ZNF71: variants seen among roughly 807,000 people sequenced by gnomAD.
ZNF71 encodes endothelial zinc finger protein induced by tumor necrosis factor alpha.
Under a neutral mutation model 6.7 loss-of-function variants are expected in ZNF71, and 3 were observed. The observed-to-expected ratio is 0.45, with a 90% CI of 0.20 to 1.16. The LOEUF (loss-of-function observed/expected upper bound fraction) is 1.16, where lower values mean the gene tolerates loss of function less well. ZNF71 is among the 50% of genes most tolerant of loss of function. The probability of loss-of-function intolerance (pLI) is 0.25; values close to 1 mark genes in which losing one functional copy is unlikely to be tolerated. For synonymous variants in ZNF71, 343 were observed against 311.1 expected (o/e 1.10, Z -1.08); for missense variants, 688 against 728.6 (o/e 0.94, Z 0.64).
At chr19:56,601,790 G>A (rs898474817) in intron 2 of ZNF71, among the ~76,000 whole-genome samples, 199 bp downstream of exon 2, 4 of 152,236 alleles carry the variant, frequency 2.6e-5, no homozygotes, top group African/African-American at 9.6e-5. Context: ...GCTTTGGAAT[G>A]GCCAAACTAG....
At chr19:56,604,168 G>T (rs1463488317) in intron 2 of ZNF71, among the ~76,000 whole-genome samples, 1 of 152,174 alleles carries the variant, frequency 6.6e-6, no homozygotes, top group East Asian at 1.9e-4. Context: ...ATAAATATAG[G>T]TGTGAGAGGG....
chr19:56,617,112 G>GTTTTTTTTTTTTTTTTTTTT (rs748784485), intron 3 of ZNF71, among the ~76,000 whole-genome samples: 2 of 140,698 alleles, frequency 1.4e-5, no homozygotes, highest in African/African-American at 2.8e-5. Context: ...ATTTTCTTTT[G>GTTTTTTTTTTTTTTTTTTTT]TTTTTTTTTG....
At position 56,624,333 on chromosome 19, in the gene ZNF71, C is replaced by T. The variant is rs778787387; in HGVS notation, c.*1576C>T. The T allele has an allele frequency of 3.3e-5, 5 of 152,198 alleles. No homozygotes were observed. Among genetic ancestry groups the T allele is most frequent in the Non-Finnish European group, 7.3e-5 (5 of 68,052 alleles). The allele number at this position is 152,198 out of a possible 1,614,324, so 9.4% of individuals were successfully genotyped here. ...TCATTGGAGCCATAGCTGTGGTTCTCTGTGATGCTCTGGCTCTCCCTTCAT... is the reference window on the plus strand; with the variant it reads ...TCATTGGAGCCATAGCTGTGGTTCTTTGTGATGCTCTGGCTCTCCCTTCAT... On this transcript the variant is annotated 3_prime_UTR_variant, in exon 4 of 4. Transcript: ENST00000599599.
At position 56,623,620 on chromosome 19, in the gene ZNF71, T is replaced by C. The variant is rs1223214401; in HGVS notation, c.*863T>C. On this transcript the variant is annotated 3_prime_UTR_variant, in exon 4 of 4. Coordinates refer to ENST00000599599, the MANE Select transcript of ZNF71 (RefSeq NM_001370215.1). ...TTTTATAGTGATTTTTGCAGCTAAA[T>C]GTGAAGGCAACTGTCTTAAGTCCCT... is the stretch of plus-strand genomic sequence containing the variant. 1.2e-5 allele frequency: 2 copies of C among 167,090 alleles called. No individual in the cohort carries two copies. The highest frequency in any genetic ancestry group is 2.9e-5 in the Non-Finnish European group (2 of 68,128). 10.4% of individuals were successfully genotyped at this position (167,090 alleles called of 1,614,324 possible).
At position 56,624,038 on chromosome 19, in the gene ZNF71, C is replaced by T. The variant is rs2044889096; in HGVS notation, c.*1281C>T. 1 of 167,060 alleles carries T rather than the reference C, an allele frequency of 6.0e-6. No individual in the cohort carries two copies. Among genetic ancestry groups the T allele is most frequent in the African/African-American group, 2.4e-5 (1 of 41,444 alleles). 10.3% of individuals were successfully genotyped at this position (167,060 alleles called of 1,614,324 possible). ...AGCTCTGTTTACACATAAGAGTGTTCCCCAAAGTGCACTTTCTCTGGGGCC... is the reference window on the plus strand; with the variant it reads ...AGCTCTGTTTACACATAAGAGTGTTTCCCAAAGTGCACTTTCTCTGGGGCC... On this transcript the variant is annotated 3_prime_UTR_variant, in exon 4 of 4. Transcript: ENST00000599599.
chr19:56,601,446 A>C, intron 1 of ZNF71, 61 bp from the exon 2 acceptor site: 3 of 704,482 alleles, frequency 4.3e-6, no homozygotes, highest in Non-Finnish European at 3.5e-6. Context: ...TCCTGTCTAC[A>C]TTTGTGAGGC....
intron 2 of ZNF71, among the ~76,000 whole-genome samples, chr19:56,612,203 G>C (rs10414596): frequency 0.31 from 47,267 of 151,992 alleles, 9,169 homozygotes; most frequent in East Asian, 0.66. Context: ...TGGTGTCAAC[G>C]CAAAGGAAAA....
At position 56,598,526 on chromosome 19, in the gene ZNF71, A is replaced by T. The variant is rs1174704925; in HGVS notation, c.-52-2981A>T. 6.6e-6 allele frequency among the ~76,000 whole-genome samples: 1 copy of T among 151,642 alleles called. No individual in the cohort carries two copies. The highest frequency in any genetic ancestry group is 1.9e-4 in the East Asian group (1 of 5,166). On this transcript the variant is annotated intron_variant, in intron 1 of 3. Transcript: ENST00000599599. This position sits in a 1 kb window ranked among gnomAD's most constrained non-coding sequence, Gnocchi z 4.2. The stretch of plus-strand genomic sequence containing the variant: ...CGGGTACAGGCATTAAGTGGTAGGA[A>T]CCCCCAGCCCACACCTTTGTGATCC...
At chr19:56,612,855 T>C (rs1733121822) in intron 2 of ZNF71, among the ~76,000 whole-genome samples, 1 of 152,080 alleles carries the variant, frequency 6.6e-6, no homozygotes, top group Non-Finnish European at 1.5e-5. Flanking sequence ...CTACCCCCAC[T>C]CCAGGATGAC....
At chr19:56,599,933 G>T (rs559825901) in intron 1 of ZNF71, among the ~76,000 whole-genome samples, 1 of 151,620 alleles carries the variant, frequency 6.6e-6, no homozygotes, top group African/African-American at 2.4e-5. Context: ...CGCCCGCCTC[G>T]GCCTCCCAAA....
intron 1 of ZNF71, among the ~76,000 whole-genome samples, chr19:56,597,093 T>A (rs2044631672): frequency 6.6e-6 from 1 of 152,178 alleles, no homozygotes; most frequent in Non-Finnish European, 1.5e-5. Context: ...TGTTATTTCA[T>A]TAATAGGAAG....
intron 1 of ZNF71, among the ~76,000 whole-genome samples, chr19:56,601,207 C>G (rs2044668325): frequency 6.6e-6 from 1 of 152,102 alleles, no homozygotes; most frequent in Non-Finnish European, 1.5e-5. Context: ...TGACTCCAGT[C>G]CCAGCTCTGT....
At position 56,618,393 on chromosome 19, in the gene ZNF71, G is replaced by A. The variant is rs180838764; in HGVS notation, c.161-2875G>A. Among the ~76,000 whole-genome samples the A allele has an allele frequency of 2.4e-4, 37 of 152,334 alleles. 1 individual carries two copies. In the East Asian group the frequency reaches 5.6e-3, roughly 23 times the overall value. On this transcript the variant is annotated intron_variant, in intron 3 of 3. Transcript: ENST00000599599. This position sits in a 1 kb window ranked among gnomAD's most constrained non-coding sequence, Gnocchi z 4.6. ...CAAATTGTTCAGCACTGTGCCAGGC[G>A]TGTTGCCAGTGCTCCATACTCGCTT...
At chr19:56,619,009 G>A (rs1046569005) in intron 3 of ZNF71, among the ~76,000 whole-genome samples, 2 of 152,138 alleles carry the variant, frequency 1.3e-5, no homozygotes, top group African/African-American at 4.8e-5. Flanking sequence ...TTGTCAGTGG[G>A]GACCGGGAGA....
rs928708289 is a variant in ZNF71 at position 56,613,273 on chromosome 19, C to G, written c.34-539C>G. 2.0e-5 allele frequency among the ~76,000 whole-genome samples: 3 copies of G among 152,188 alleles called. No individual in the cohort carries two copies. Among genetic ancestry groups the G allele is most frequent in the African/African-American group, 7.2e-5 (3 of 41,418 alleles). On this transcript the variant is annotated intron_variant, in intron 2 of 3. Coordinates refer to ENST00000599599, the MANE Select transcript of ZNF71 (RefSeq NM_001370215.1). This position sits in a 1 kb window ranked among gnomAD's most constrained non-coding sequence, Gnocchi z 4.6. ...AGACTACTCAAAGTCTTCCTGGGCACCCCCCACAGCTGGCATTACTCAGGC... is the reference window on the plus strand; with the variant it reads ...AGACTACTCAAAGTCTTCCTGGGCAGCCCCCACAGCTGGCATTACTCAGGC...
At chr19:56,605,167 G>A (rs1005314575) in intron 2 of ZNF71, among the ~76,000 whole-genome samples, 10 of 152,164 alleles carry the variant, frequency 6.6e-5, no homozygotes. Flanking sequence ...GTGTACAGCT[G>A]GCTTCAGGCC....
chr19:56,611,348 C>T (rs1406001490), intron 2 of ZNF71, among the ~76,000 whole-genome samples: 5 of 152,172 alleles, frequency 3.3e-5, no homozygotes, highest in African/African-American at 7.2e-5. Context: ...GATGAGGACT[C>T]GGGCTCTGGA....
intron 1 of ZNF71, among the ~76,000 whole-genome samples, chr19:56,601,145 T>G (rs2044667862): frequency 1.4e-5 from 2 of 148,112 alleles, no homozygotes; most frequent in South Asian, 4.1e-4. Context: ...GGAGTGCATC[T>G]GTGAGGCATT....
rs59900843 is a variant in ZNF71 at position 56,600,087 on chromosome 19, TTG to T, written c.-52-1419_-52-1418del. Among the ~76,000 whole-genome samples, 584 of 146,392 alleles carry T rather than the reference TTG, an allele frequency of 4.0e-3. 5 individuals carry two copies. The highest frequency in any genetic ancestry group is 6.8e-3 in the Non-Finnish European group (454 of 67,048). ...TTTGTGTGTGTGTTTTTTTGTTTTT[TTG>T]GGGTTTGTTTTTTTTTTTTTTTTTT... is the stretch of plus-strand genomic sequence containing the variant. On this transcript the variant is annotated intron_variant, in intron 1 of 3. Coordinates refer to ENST00000599599, the MANE Select transcript of ZNF71 (RefSeq NM_001370215.1).
Sources: gnomAD v4.1 joint callset for allele counts (sites outside exome capture counted in the v4.1 genomes callset) on GRCh38, gnomAD v4.1.1 for gene constraint, Gnocchi (gnomAD v3.1) non-coding constraint, MANE v1.5 for transcripts, NCBI Gene and HGNC (gene_info 2026-07-23, HGNC 2026-07-21) for gene names.